Variants in RAB6B observed in about 807,000 individuals in gnomAD.
RAB6B encodes the protein RAB6B, member RAS oncogene family.
A neutral mutation model predicts 31.2 loss-of-function variants in RAB6B; 7 were observed. The ratio of observed to expected loss-of-function variants is 0.22; its 90% CI spans 0.13 to 0.42. The LOEUF is 0.42. RAB6B is among the 10% of genes least tolerant of loss of function. RAB6B has a pLI of 1.00. For missense variants in RAB6B, 149 were observed against 280.6 expected (o/e 0.53, Z 3.35); for synonymous variants, 105 against 104.9 (o/e 1.00, Z -0.01).
At chr3:133,878,770 G>C (rs529242183) in intron 1 of RAB6B, among the ~76,000 whole-genome samples, 2 of 152,258 alleles carry the variant, frequency 1.3e-5, no homozygotes, top group Admixed American at 1.3e-4. Flanking sequence ...ATGCAAACCG[G>C]AAGAAAATGA....
chr3:133,854,686 A>T (rs555744504), intron 2 of RAB6B, among the ~76,000 whole-genome samples: 1 of 152,330 alleles, frequency 6.6e-6, no homozygotes, highest in East Asian at 1.9e-4. Context: ...CTGAATCCAC[A>T]TTTATCTTCT....
At chr3:133,879,852 T>C (rs889085636) in intron 1 of RAB6B, among the ~76,000 whole-genome samples, 2 of 152,236 alleles carry the variant, frequency 1.3e-5, no homozygotes, top group Non-Finnish European at 2.9e-5. Context: ...TAGCTTTGAA[T>C]GCTAGCCACC....
chr3:133,888,072 G>A (rs893024622), intron 1 of RAB6B, among the ~76,000 whole-genome samples: 87 of 152,318 alleles, frequency 5.7e-4, no homozygotes, highest in African/African-American at 2.0e-3. Flanking sequence ...GTCATGCACA[G>A]CAGACCTCGT....
chr3:133,867,158 G>A (rs897859171), intron 1 of RAB6B, among the ~76,000 whole-genome samples: 3 of 152,340 alleles, frequency 2.0e-5, no homozygotes, highest in Admixed American at 2.0e-4. Flanking sequence ...ACAGGTCTAG[G>A]GGGCAGGAAA....
At chr3:133,831,055 C>T (rs1385938516) in intron 7 of RAB6B, among the ~76,000 whole-genome samples, 3 of 152,232 alleles carry the variant, frequency 2.0e-5, no homozygotes, top group African/African-American at 4.8e-5. Flanking sequence ...TACAGCATTA[C>T]GTTCTGCCCA....
chr3:133,834,455 G>T, intron 7 of RAB6B, 120 bp downstream of exon 7: 2 of 1,106,422 alleles, frequency 1.8e-6, no homozygotes, highest in Non-Finnish European at 2.7e-6. Flanking sequence ...CGTGCCATTC[G>T]CGGCAGACCA....
chr3:133,857,343 T>C (rs1936095970), intron 2 of RAB6B, among the ~76,000 whole-genome samples: 1 of 139,878 alleles, frequency 7.1e-6, no homozygotes, highest in Non-Finnish European at 1.5e-5. Flanking sequence ...AGAGTAATAC[T>C]AAGAAACTAA....
In RAB6B at chr3:133,825,312, C is replaced by T. The variant is rs1478962483; in HGVS notation, c.*3476G>A. ...AGGGCCTCCCCGCACTGGCTAGCCACCAGGATGATGCAGACGTTGCACCCC... is the reference window on the plus strand; with the variant it reads ...AGGGCCTCCCCGCACTGGCTAGCCATCAGGATGATGCAGACGTTGCACCCC... On this transcript the variant is annotated 3_prime_UTR_variant, in exon 8 of 8. Coordinates refer to ENST00000285208, the MANE Select transcript of RAB6B (RefSeq NM_016577.4). 2 of 152,204 alleles carry T rather than the reference C, an allele frequency of 1.3e-5. No individual in the cohort carries two copies. The highest frequency in any genetic ancestry group is 1.3e-4 in the Admixed American group (2 of 15,278). 9.4% of individuals were successfully genotyped at this position (152,204 alleles called of 1,614,324 possible).
At chr3:133,873,426 G>A (rs145213841) in intron 1 of RAB6B, among the ~76,000 whole-genome samples, 177 of 152,068 alleles carry the variant, frequency 1.2e-3, no homozygotes, top group African/African-American at 4.1e-3. Context: ...TCCCCCAGAG[G>A]CTCCACCTTT....
rs1228710714 is a variant in RAB6B, at chr3:133,824,379, C to G, written c.*4409G>C. The G allele has an allele frequency of 6.6e-6, 1 of 152,226 alleles. No homozygotes were observed. Among genetic ancestry groups the G allele is most frequent in the Admixed American group, 6.5e-5 (1 of 15,276 alleles). The allele number at this position is 152,226 out of a possible 1,614,324, so 9.4% of individuals were successfully genotyped here. A position where few individuals can be genotyped will look rare whatever the true frequency, so the allele number is the denominator to read the frequency against. On this transcript the variant is annotated 3_prime_UTR_variant, in exon 8 of 8. Transcript: ENST00000285208. ...GAATTGCCACCCTCTGTGCTCCTCA[C>G]AGCCAATCACTTTAAAGGGATGGGT...
At chr3:133,843,812 C>T (rs1935870120) in intron 2 of RAB6B, among the ~76,000 whole-genome samples, 1 of 152,156 alleles carries the variant, frequency 6.6e-6, no homozygotes, top group South Asian at 2.1e-4. Flanking sequence ...CTCCCTTTCC[C>T]ACTGTCCGGT....
chr3:133,843,168 A>G (rs1197858073), intron 2 of RAB6B, among the ~76,000 whole-genome samples: 3 of 152,248 alleles, frequency 2.0e-5, no homozygotes, highest in Non-Finnish European at 2.9e-5. Context: ...ATACGATGCT[A>G]GAATGTGGGC....
chr3:133,864,649 A>G lies in RAB6B; in HGVS notation c.71-7T>C, dbSNP rs377721497. The G allele has an allele frequency of 2.8e-4, 455 of 1,613,428 alleles. 1 individual carries two copies. Among genetic ancestry groups the G allele is most frequent in the Non-Finnish European group, 3.8e-4 (449 of 1,179,414 alleles). On this transcript the variant is annotated splice_region_variant and splice_polypyrimidine_tract_variant and intron_variant, in intron 1 of 7. Coordinates refer to ENST00000285208, the MANE Select transcript of RAB6B (RefSeq NM_016577.4). ...ATCAGAGACGTCTTCCCGACTGCAA[A>G]ACAACAAGGAGAGAGGTGTTCAGTC...
chr3:133,864,453 G>A (rs1936207304), intron 2 of RAB6B, 131 bp downstream of exon 2: 4 of 870,430 alleles, frequency 4.6e-6, no homozygotes, highest in Non-Finnish European at 3.9e-6. Flanking sequence ...GTATAGAGGT[G>A]GGAAGCTCCT....
intron 1 of RAB6B, among the ~76,000 whole-genome samples, chr3:133,886,982 T>G (rs1936557492): frequency 9.1e-6 from 1 of 110,404 alleles, no homozygotes; most frequent in East Asian, 2.5e-4. Flanking sequence ...TGGGCTGAGG[T>G]GGAAGCCCAG....
intron 1 of RAB6B, among the ~76,000 whole-genome samples, chr3:133,884,739 CA>C (rs1378209549): frequency 6.6e-6 from 1 of 150,934 alleles, no homozygotes; most frequent in Admixed American, 6.6e-5. Flanking sequence ...CACCTAATGA[CA>C]GAGAATGGAG....
At chr3:133,843,314 C>A (rs371086033) in intron 2 of RAB6B, among the ~76,000 whole-genome samples, 4 of 152,228 alleles carry the variant, frequency 2.6e-5, no homozygotes, top group Non-Finnish European at 5.9e-5. Flanking sequence ...GAGCTGCAAA[C>A]TTGGCAGCAC....
At chr3:133,848,000 G>A (rs1272491891) in intron 2 of RAB6B, among the ~76,000 whole-genome samples, 1 of 152,058 alleles carries the variant, frequency 6.6e-6, no homozygotes, top group Admixed American at 6.5e-5. Context: ...ATGATATACT[G>A]ATCAGTTCCC....
At chr3:133,866,823 A>G (rs546821737) in intron 1 of RAB6B, among the ~76,000 whole-genome samples, 7 of 152,334 alleles carry the variant, frequency 4.6e-5, no homozygotes, top group Non-Finnish European at 8.8e-5. Context: ...TTTGAAAGGG[A>G]GTGGAAAGTT....
Sources: gnomAD v4.1 joint callset for allele counts (sites outside exome capture counted in the v4.1 genomes callset) on GRCh38, gnomAD v4.1.1 for gene constraint, MANE v1.5 for transcripts, NCBI Gene and HGNC (gene_info 2026-07-23, HGNC 2026-07-21) for gene names.